Variants in KIAA1549 observed in about 807,000 individuals in gnomAD.
KIAA1549 encodes KIAA1549, also known as UPF0606 protein KIAA1549.
Under a neutral mutation model 156.4 loss-of-function variants are expected in KIAA1549, and 70 were observed. The ratio of observed to expected loss-of-function variants is 0.45; its 90% CI spans 0.37 to 0.55. The LOEUF (loss-of-function observed/expected upper bound fraction) is 0.55. Among genes scored for constraint, KIAA1549 ranks in the 20% least tolerant of loss-of-function variants. The pLI is 0.00. For synonymous variants in KIAA1549, 1,103 were observed against 1,066.4 expected (o/e 1.03, Z -0.67); for missense variants, 2,428 against 2,540.9 (o/e 0.96, Z 0.96).
At position 138,844,463 on chromosome 7, in the gene KIAA1549, C is replaced by A; in HGVS notation, c.5306G>T (p.Gly1769Val). 2 of 1,532,892 alleles carry A rather than the reference C, an allele frequency of 1.3e-6. No individual in the cohort carries two copies. The highest frequency in any genetic ancestry group is 1.7e-6 in the Non-Finnish European group (2 of 1,143,220). 95.0% of individuals were successfully genotyped at this position (1,532,892 alleles called of 1,614,324 possible). The change falls in exon 18 of 20, where the codon GGC (glycine) becomes GTC (valine). Residue 1769 changes from glycine to valine, a missense_variant. Around this residue, in one of 5 missense-constraint regions of KIAA1549, gnomAD observed 363 missense variants for 354.0 expected, o/e 1.03. Transcript: ENST00000422774. ...PTGPLPRPGF[G>V]PGLLQSTELV... ...CTCTGTAGACTGCAGCAAACCGGGG[C>A]CAAAACCTGGTCTGAAGGCAAAGCA...
At chr7:138,934,077 T>C (rs1812943122) in intron 1 of KIAA1549, among the ~76,000 whole-genome samples, 1 of 152,224 alleles carries the variant, frequency 6.6e-6, no homozygotes, top group African/African-American at 2.4e-5. Flanking sequence ...GTTCTTACTG[T>C]TGTTTTGGAA....
Position 138,916,738 on chromosome 7 carries a change from T to C in KIAA1549, c.2878+10A>G, listed in dbSNP as rs1290769486. The C allele has an allele frequency of 1.9e-6, 3 of 1,613,518 alleles. No individual in the cohort carries two copies. Among genetic ancestry groups the C allele is most frequent in the Admixed American group, 3.3e-5 (2 of 59,992 alleles). ...CCACCCCAGAGAGGCGGCAGGAAGCTGGGCCTTACCAGTTGTGATCAGATA... is the reference window on the plus strand; with the variant it reads ...CCACCCCAGAGAGGCGGCAGGAAGCCGGGCCTTACCAGTTGTGATCAGATA... On this transcript the variant is annotated intron_variant, in intron 2 of 19. Transcript: ENST00000422774.
Position 138,879,626 on chromosome 7 carries a change from C to T in KIAA1549, c.4257G>A (p.Thr1419=), listed in dbSNP as rs146930653. The T allele has an allele frequency of 3.5e-5, 54 of 1,556,224 alleles. 2 individuals carry two copies. The Middle Eastern group carries it at 3.9e-3, about 111-fold the overall frequency. Residue 1419 remains threonine, a synonymous_variant, in exon 12 of 20, where the codon ACG becomes ACA. Transcript: ENST00000422774. ...GRVSPSDADS[T]VSEESSERDA... ...CCCTCTCGCTGGACTCTTCACTGACCGTAGAGTCAGCATCTGAGGGAGAAA... is the reference window on the plus strand; with the variant it reads ...CCCTCTCGCTGGACTCTTCACTGACTGTAGAGTCAGCATCTGAGGGAGAAA...
chr7:138,861,489 CAT>C (rs1280139267), intron 15 of KIAA1549, 33 bp from the exon 16 acceptor site: 4 of 1,559,822 alleles, frequency 2.6e-6, no homozygotes, highest in South Asian at 1.2e-5. Flanking sequence ...AAGAATCACA[CAT>C]GAGTTTTTGT....
At position 138,857,684 on chromosome 7, in the gene KIAA1549, C is replaced by T. The variant is rs145384773; in HGVS notation, c.5247+3455G>A. 4.6e-3 allele frequency among the ~76,000 whole-genome samples: 705 copies of T among 152,258 alleles called. 6 individuals carry two copies. The highest frequency in any genetic ancestry group is 0.016 in the African/African-American group (645 of 41,536). ...AGCTCTAATACTATGCACATAAACA[C>T]GTAAGACTTTATGTCTTCCAGATAA... On this transcript the variant is annotated intron_variant, in intron 16 of 19. Transcript: ENST00000422774.
Position 138,911,298 on chromosome 7 carries a change from G to A in KIAA1549, c.2993C>T (p.Thr998Ile). ...LKVYELFTDF[T>I]FLVTSGPFVY... The stretch of plus-strand genomic sequence containing the variant: ...GAAAGGACCGGATGTTACCAGAAAA[G>A]TGAAGTCAGTAAATAGTTCGTAAAC... The change falls in exon 4 of 20, where the codon ACT becomes ATT. Residue 998 changes from threonine (T) to isoleucine (I), a missense_variant. Thr to Ile is a moderately conservative substitution (Grantham distance 89). This residue lies in a region of KIAA1549 where 762 missense variants were observed against 901.6 expected (regional missense o/e 0.85). Coordinates refer to ENST00000422774, the MANE Select transcript of KIAA1549 (RefSeq NM_001164665.2). The A allele has an allele frequency of 6.3e-7, 1 of 1,597,758 alleles. No individual in the cohort carries two copies.
Position 138,902,985 on chromosome 7 carries a change from T to A in KIAA1549, c.3669+603A>T, listed in dbSNP as rs1256541489. Among the ~76,000 whole-genome samples, 43 of 152,206 alleles carry A rather than the reference T, an allele frequency of 2.8e-4. 1 individual carries two copies. Reference sequence around the variant, plus strand: ...GAATTTTAGGTGATGTTCACTTTATTCTTTACACATTTTTTAATGTGTTTT... The same window carrying A: ...GAATTTTAGGTGATGTTCACTTTATACTTTACACATTTTTTAATGTGTTTT... On this transcript the variant is annotated intron_variant, in intron 8 of 19. Coordinates refer to ENST00000422774, the MANE Select transcript of KIAA1549 (RefSeq NM_001164665.2).
intron 2 of KIAA1549, among the ~76,000 whole-genome samples, chr7:138,912,783 C>T (rs1489811868): frequency 6.6e-6 from 1 of 152,122 alleles, no homozygotes; most frequent in Non-Finnish European, 1.5e-5. Context: ...CAAGGAGCTT[C>T]CAGTTCTCAT....
At chr7:138,928,200 C>T (rs1002474501) in intron 1 of KIAA1549, among the ~76,000 whole-genome samples, 5 of 152,192 alleles carry the variant, frequency 3.3e-5, no homozygotes, top group South Asian at 4.1e-4. Context: ...GGATTATAGG[C>T]GTGAGCCACC....
intron 17 of KIAA1549, among the ~76,000 whole-genome samples, chr7:138,847,195 C>T (rs989034409): frequency 6.6e-6 from 1 of 152,176 alleles, no homozygotes; most frequent in South Asian, 2.1e-4. Flanking sequence ...ACTCTAAAAT[C>T]CTTTAAAGTG....
chr7:138,953,747 A>C (rs1220471403), intron 1 of KIAA1549, among the ~76,000 whole-genome samples: 1 of 152,212 alleles, frequency 6.6e-6, no homozygotes, highest in Non-Finnish European at 1.5e-5. Flanking sequence ...ATGTTTATAA[A>C]TTTTCTCATC....
At chr7:138,912,529 G>A (rs1812199527) in intron 2 of KIAA1549, 69 bp from the exon 3 acceptor site, 6 of 1,315,502 alleles carry the variant, frequency 4.6e-6, no homozygotes, top group Non-Finnish European at 6.5e-6. Context: ...CCAGACTTCT[G>A]GACCCCAGCA....
At chr7:138,871,608 T>G (rs1489273079) in intron 12 of KIAA1549, among the ~76,000 whole-genome samples, 4 of 152,224 alleles carry the variant, frequency 2.6e-5, no homozygotes, top group Non-Finnish European at 5.9e-5. Flanking sequence ...GAAATCATTA[T>G]GATACTGTGT....
At chr7:138,913,129 C>A (rs909999976) in intron 2 of KIAA1549, among the ~76,000 whole-genome samples, 1 of 152,130 alleles carries the variant, frequency 6.6e-6, no homozygotes, top group African/African-American at 2.4e-5. Flanking sequence ...CTGCCTCAGC[C>A]TCCCAAAGTG....
intron 16 of KIAA1549, among the ~76,000 whole-genome samples, chr7:138,854,376 G>C (rs777403298): frequency 1.7e-4 from 26 of 152,130 alleles, no homozygotes; most frequent in Non-Finnish European, 3.2e-4. Flanking sequence ...AGTCCATAGA[G>C]AGCTTACCTT....
chr7:138,899,104 T>C lies in KIAA1549; in HGVS notation c.3698A>G (p.Asp1233Gly), dbSNP rs1395032078. Residue 1233 changes from aspartate (D) to glycine (G), a missense_variant, in exon 9 of 20, where the codon GAT (aspartate) becomes GGT (glycine). Asp to Gly is a moderately conservative substitution (Grantham distance 94). Around this residue, in one of 5 missense-constraint regions of KIAA1549, gnomAD observed 762 missense variants for 901.6 expected, o/e 0.85. Coordinates refer to ENST00000422774, the MANE Select transcript of KIAA1549 (RefSeq NM_001164665.2). Reference sequence around the variant, plus strand: ...GTAGATGAGCTGTACCGGATTGTCATCTCCCTCCAGCCTCGACACATTTAC... The same window carrying C: ...GTAGATGAGCTGTACCGGATTGTCACCTCCCTCCAGCCTCGACACATTTAC... Reference protein sequence around the residue: ...QVVNVSRLEGDDNPVQLIYFV... With the variant: ...QVVNVSRLEGGDNPVQLIYFV... 3.1e-6 allele frequency: 5 copies of C among 1,613,688 alleles called. No homozygotes were observed. The African/African-American group carries it at 4.0e-5, about 13-fold the overall frequency.
At chr7:138,941,039 T>A (rs1813168823) in intron 1 of KIAA1549, among the ~76,000 whole-genome samples, 1 of 152,074 alleles carries the variant, frequency 6.6e-6, no homozygotes, top group Non-Finnish European at 1.5e-5. Flanking sequence ...ATTTGTCAAT[T>A]TTGGCTTTTG....
intron 1 of KIAA1549, among the ~76,000 whole-genome samples, chr7:138,977,655 AACACACACACACACAC>A (rs10625706): frequency 1.4e-5 from 2 of 146,814 alleles, no homozygotes; most frequent in Admixed American, 1.4e-4. Flanking sequence ...TACTCAAGAA[AACACACACACACACAC>A]ACACACACAC....
intron 12 of KIAA1549, among the ~76,000 whole-genome samples, chr7:138,878,373 G>A (rs1811147065): frequency 6.6e-6 from 1 of 152,254 alleles, no homozygotes; most frequent in African/African-American, 2.4e-5. Flanking sequence ...CTTCTGTCCA[G>A]TCTGTTCATT....
Sources: allele counts gnomAD v4.1 joint callset (sites outside exome capture counted in the v4.1 genomes callset), GRCh38; gene constraint gnomAD v4.1.1; regional missense constraint gnomAD v4.1.1; transcripts MANE v1.5; gene names NCBI Gene and HGNC (gene_info 2026-07-23, HGNC 2026-07-21).